The following CHRNB3 variants were observed in gnomAD, a reference collection of about 807,000 sequenced individuals.
CHRNB3 encodes cholinergic receptor nicotinic beta 3 subunit, also known as neuronal acetylcholine receptor subunit beta-3.
A neutral mutation model predicts 40.6 loss-of-function variants in CHRNB3; 37 were observed. The observed-to-expected ratio is 0.91, with a 90% CI of 0.70 to 1.20. The LOEUF (loss-of-function observed/expected upper bound fraction) is 1.20. Among genes scored for constraint, CHRNB3 ranks in the 50% most tolerant of loss-of-function variants. CHRNB3 has a pLI of 0.00. For missense variants in CHRNB3, 505 were observed against 551.2 expected, an observed-to-expected ratio of 0.92 and a Z score of 0.84; for synonymous variants, 207 against 207.1, an observed-to-expected ratio of 1.00 and a Z score of 0.00.
chr8:42,708,485 A>ACACACACT (rs1253323356), intron 1 of CHRNB3, among the ~76,000 whole-genome samples: 77 of 151,822 alleles, frequency 5.1e-4, no homozygotes, highest in Non-Finnish European at 8.5e-4. Flanking sequence ...ACACACACAC[A>ACACACACT]CACACACACA....
chr8:42,730,173 T>A (rs1333877716), intron 3 of CHRNB3, among the ~76,000 whole-genome samples: 2 of 152,148 alleles, frequency 1.3e-5, no homozygotes, highest in Non-Finnish European at 2.9e-5. Flanking sequence ...TCTTGAGTGG[T>A]GTTTAAAATC....
chr8:42,723,559 C>T (rs1816255952), intron 3 of CHRNB3, among the ~76,000 whole-genome samples: 1 of 152,150 alleles, frequency 6.6e-6, no homozygotes, highest in Admixed American at 6.6e-5. Flanking sequence ...TGGCTTCAGG[C>T]AGACCTTAGC....
chr8:42,722,125 G>A (rs1285756876), intron 3 of CHRNB3, among the ~76,000 whole-genome samples: 2 of 152,078 alleles, frequency 1.3e-5, no homozygotes, highest in Admixed American at 6.5e-5. Flanking sequence ...TGTAATCCTA[G>A]CACTTTGGGA....
chr8:42,701,882 A>G (rs1289478837), intron 1 of CHRNB3, among the ~76,000 whole-genome samples: 1 of 152,218 alleles, frequency 6.6e-6, no homozygotes, highest in Admixed American at 6.5e-5. Flanking sequence ...CATAGACACA[A>G]AGACCCTAAA....
chr8:42,724,047 C>G (rs983167104), intron 3 of CHRNB3, among the ~76,000 whole-genome samples: 4 of 151,870 alleles, frequency 2.6e-5, no homozygotes, highest in African/African-American at 4.8e-5. Flanking sequence ...GATTGCGCCA[C>G]TGTACTCCAG....
At chr8:42,725,672 A>C in intron 3 of CHRNB3, 1 of 973,406 alleles carries the variant, frequency 1.0e-6, no homozygotes, top group South Asian at 1.3e-5. Flanking sequence ...GGGCACAAGA[A>C]CCACGAGATC....
rs372344450 is a variant in CHRNB3, at chr8:42,697,574, A to T, written c.28A>T (p.Ile10Phe). Residue 10 changes from isoleucine to phenylalanine, a missense_variant, in exon 1 of 6, where the codon ATC (isoleucine) becomes TTC (phenylalanine). Transcript: ENST00000289957. ...GCTCCCAGATTTTATGCTGGTTCTC[A>T]TCGTCCTTGGCATCCCTTCCTCAGG... MLPDFMLVLIVLGIPSSATT... is the reference protein window; with the variant it reads MLPDFMLVLFVLGIPSSATT... 15 of 1,613,736 alleles carry T rather than the reference A, an allele frequency of 9.3e-6. No homozygotes were observed.
intron 3 of CHRNB3, chr8:42,726,015 G>T: frequency 9.2e-7 from 1 of 1,090,408 alleles, no homozygotes; most frequent in Non-Finnish European, 1.4e-6. Context: ...TTCACTTCTA[G>T]TCGTCTGAGA....
At chr8:42,716,072 G>C (rs530454835) in intron 3 of CHRNB3, among the ~76,000 whole-genome samples, 7 of 147,646 alleles carry the variant, frequency 4.7e-5, no homozygotes, top group Non-Finnish European at 7.4e-5. Flanking sequence ...TCCGCTTCCT[G>C]GGTTCAAGTA....
chr8:42,719,103 C>T (rs1304073099), intron 3 of CHRNB3, among the ~76,000 whole-genome samples: 1 of 152,158 alleles, frequency 6.6e-6, no homozygotes, highest in Non-Finnish European at 1.5e-5. Flanking sequence ...TTTCTCATCT[C>T]TTACCCTAAG....
At chr8:42,706,197 C>G (rs998228064) in intron 1 of CHRNB3, among the ~76,000 whole-genome samples, 3 of 152,104 alleles carry the variant, frequency 2.0e-5, no homozygotes, top group Admixed American at 1.3e-4. Flanking sequence ...TAAGAACTTT[C>G]CCCAAGCAGA....
chr8:42,701,939 C>G (rs905900983), intron 1 of CHRNB3, among the ~76,000 whole-genome samples: 13 of 152,218 alleles, frequency 8.5e-5, no homozygotes, highest in Non-Finnish European at 1.8e-4. Context: ...TCACCCATTT[C>G]CTTTTCTTAT....
chr8:42,717,330 C>A (rs1816128279), intron 3 of CHRNB3, among the ~76,000 whole-genome samples: 1 of 112,058 alleles, frequency 8.9e-6, no homozygotes, highest in Admixed American at 9.6e-5. Context: ...GCCGAGATCC[C>A]GCCACTGCAC....
chr8:42,717,915 C>T (rs907488381), intron 3 of CHRNB3, among the ~76,000 whole-genome samples: 2 of 150,818 alleles, frequency 1.3e-5, no homozygotes, highest in Admixed American at 6.6e-5. Flanking sequence ...TCACCACAAC[C>T]TCCGCCTCCC....
Position 42,730,612 on chromosome 8 carries a change from T to G in CHRNB3, c.268T>G (p.Leu90Val). 1 of 1,604,662 alleles carries G rather than the reference T, an allele frequency of 6.2e-7. No homozygotes were observed. Among genetic ancestry groups the G allele is most frequent in the Non-Finnish European group, 8.5e-7 (1 of 1,174,470 alleles). Residue 90 changes from leucine to valine, a missense_variant, in exon 4 of 6, where the codon TTA becomes GTA. Transcript: ENST00000289957. ...CATGCAGGAATGGACAGACCACAAG[T>G]TACGCTGGAATCCTGATGATTATGG... is the stretch of plus-strand genomic sequence containing the variant. ...WLKQEWTDHK[L>V]RWNPDDYGGI... is the part of the protein sequence containing the mutation.
chr8:42,721,751 C>T (rs1180708477), intron 3 of CHRNB3: 2 of 152,374 alleles, frequency 1.3e-5, no homozygotes, highest in African/African-American at 4.8e-5. Context: ...CAAAACAAAA[C>T]AAAACAAAAC....
intron 3 of CHRNB3, among the ~76,000 whole-genome samples, chr8:42,714,605 C>A (rs985461831): frequency 6.6e-6 from 1 of 150,902 alleles, no homozygotes; most frequent in Admixed American, 6.6e-5. Context: ...TTATAAAAAG[C>A]TATCATTGGT....
intron 3 of CHRNB3, among the ~76,000 whole-genome samples, chr8:42,720,225 C>G (rs1033930071): frequency 1.4e-5 from 2 of 147,488 alleles, no homozygotes; most frequent in African/African-American, 5.1e-5. Context: ...AAGAGATTCT[C>G]CTGCCTCAGC....
intron 1 of CHRNB3, among the ~76,000 whole-genome samples, chr8:42,706,479 G>A (rs1042894721): frequency 5.3e-5 from 8 of 152,146 alleles, no homozygotes; most frequent in African/African-American, 1.4e-4. Flanking sequence ...CCAAGAGAGA[G>A]AGCATCTGTG....
Sources: allele counts gnomAD v4.1 joint callset (sites outside exome capture counted in the v4.1 genomes callset), GRCh38; gene constraint gnomAD v4.1.1; transcripts MANE v1.5; gene names NCBI Gene and HGNC (gene_info 2026-07-23, HGNC 2026-07-21).